PPL: variants seen among roughly 807,000 people sequenced by gnomAD.
The protein encoded by PPL is 190 kDa paraneoplastic pemphigus antigen.
A neutral mutation model predicts 194.4 loss-of-function variants in PPL; 198 were observed. The observed-to-expected ratio is 1.02, with a 90% CI of 0.91 to 1.15. The LOEUF (loss-of-function observed/expected upper bound fraction) is 1.15. Ranked by LOEUF, PPL falls within the 50% of genes most tolerant of loss-of-function variation. The pLI, the probability that PPL is intolerant of heterozygous loss-of-function variation, is 0.00. For synonymous variants in PPL, 1,220 were observed against 972.4 expected, an observed-to-expected ratio of 1.25 and a Z score of -4.74; for missense variants, 2,885 against 2,294.8, an observed-to-expected ratio of 1.26 and a Z score of -5.25.
chr16:4,920,373 A>AAAGAAAGAAAGAAAGAAAGAAAGAAAGT (rs2089026373), intron 1 of PPL, among the ~76,000 whole-genome samples: 1 of 150,088 alleles, frequency 6.7e-6, no homozygotes. Context: ...GAAAGAAAGG[A>AAAGAAAGAAAGAAAGAAAGAAAGAAAGT]CACCTCGGTC....
chr16:4,936,977 T>C lies in PPL; in HGVS notation c.62+7A>G, dbSNP rs1400080788. 1 of 1,587,448 alleles carries C rather than the reference T, an allele frequency of 6.3e-7. No homozygotes were observed. Among genetic ancestry groups the C allele is most frequent in the African/African-American group, 1.4e-5 (1 of 72,276 alleles). On this transcript the variant is annotated splice_region_variant and intron_variant, in intron 1 of 21. Transcript: ENST00000345988. ...GTCCCGGAGCGGAGCTGTGGGCGCC[T>C]CCTCACCTCCGGGTCTGCACAGTGG... is the stretch of plus-strand genomic sequence containing the variant.
chr16:4,907,079 T>TAAAAAAAAAAAAAA (rs57847738), intron 2 of PPL, among the ~76,000 whole-genome samples: 1 of 76,990 alleles, frequency 1.3e-5, no homozygotes, highest in Admixed American at 1.9e-4. Context: ...ACCCTATCTC[T>TAAAAAAAAAAAAAA]AAAAAAAAAA....
chr16:4,925,500 T>C (rs898806212), intron 1 of PPL, among the ~76,000 whole-genome samples: 1 of 152,254 alleles, frequency 6.6e-6, no homozygotes, highest in African/African-American at 2.4e-5. Flanking sequence ...ACTGGGGCTC[T>C]TAATCCTACC....
chr16:4,926,893 C>CAAAAAAAAA (rs906386976), intron 1 of PPL, among the ~76,000 whole-genome samples: 1 of 110,398 alleles, frequency 9.1e-6, no homozygotes, highest in Non-Finnish European at 1.7e-5. Context: ...AAAAAAAAAA[C>CAAAAAAAAA]AAAAAAAAAC....
rs1055131288 is a variant in PPL at position 4,928,879 on chromosome 16, T to A, written c.62+8105A>T. ...TACAAAATATAGCCAGGCGTGGTGG[T>A]GGGCGCCTGTAATCCCAGCTACTTG... On this transcript the variant is annotated intron_variant, in intron 1 of 21. Coordinates refer to ENST00000345988, the MANE Select transcript of PPL (RefSeq NM_002705.5). Among the ~76,000 whole-genome samples the A allele has an allele frequency of 2.0e-5, 3 of 151,392 alleles. No homozygotes were observed. In the East Asian group the frequency reaches 5.8e-4, roughly 29 times the overall value.
intron 16 of PPL, chr16:4,891,509 A>T (rs1186827322): frequency 6.4e-6 from 2 of 313,310 alleles, no homozygotes; most frequent in African/African-American, 4.5e-5. Flanking sequence ...CTTAAACTCC[A>T]AGGCTCAAGC....
chr16:4,885,591 G>C lies in PPL; in HGVS notation c.3064C>G (p.Arg1022Gly). The change falls in exon 22 of 22, where the codon CGG becomes GGG. Residue 1022 changes from arginine to glycine, a missense_variant. Arg to Gly is a moderately radical substitution (Grantham distance 125, BLOSUM62 -2). Coordinates refer to ENST00000345988, the MANE Select transcript of PPL (RefSeq NM_002705.5). The surrounding 1 kb of genome is among the most constrained non-coding windows in gnomAD (Gnocchi z 6.3). ...QLREELEALR[R>G]QKGAREAEVL... ...TCTGCCTCCCGGGCGCCCTTCTGCCGCCTCAGTGCCTCCAGCTCCTCCCGC... is the reference window on the plus strand; with the variant it reads ...TCTGCCTCCCGGGCGCCCTTCTGCCCCCTCAGTGCCTCCAGCTCCTCCCGC... The C allele has an allele frequency of 6.2e-7, 1 of 1,612,122 alleles. No homozygotes were observed. The highest frequency in any genetic ancestry group is 8.5e-7 in the Non-Finnish European group (1 of 1,179,942).
In PPL at chr16:4,886,038, C is replaced by T; in HGVS notation, c.2617G>A (p.Val873Ile). The T allele has an allele frequency of 6.2e-7, 1 of 1,613,990 alleles. No individual in the cohort carries two copies. Among genetic ancestry groups the T allele is most frequent in the Non-Finnish European group, 8.5e-7 (1 of 1,180,036 alleles). The change falls in exon 22 of 22, where the codon GTA (valine) becomes ATA (isoleucine). Residue 873 changes from valine to isoleucine, a missense_variant. By Grantham distance (29) the Val-to-Ile change is conservative. Transcript: ENST00000345988. The part of the protein sequence containing the change: ...ALNLLRQQPE[V>I]EVTHETLQRN... The stretch of plus-strand genomic sequence containing the variant: ...TGCAGGGTCTCATGGGTCACTTCTA[C>T]TTCCGGCTGCTGTGATGGAGAAGAC...
chr16:4,915,885 G>A (rs1453611388), intron 1 of PPL, among the ~76,000 whole-genome samples: 1 of 152,172 alleles, frequency 6.6e-6, no homozygotes, highest in African/African-American at 2.4e-5. Context: ...GCAATTAGAT[G>A]GCAGAGCCAG....
intron 1 of PPL, among the ~76,000 whole-genome samples, chr16:4,922,942 G>C (rs1231923229): frequency 1.3e-5 from 2 of 152,156 alleles, no homozygotes; most frequent in Non-Finnish European, 2.9e-5. Flanking sequence ...GAGGTGTCGG[G>C]AGGACAGGAG....
At chr16:4,890,393 C>T (rs2088297156) in intron 17 of PPL, 59 bp from the exon 18 acceptor site, 4 of 1,489,634 alleles carry the variant, frequency 2.7e-6, no homozygotes, top group African/African-American at 1.4e-5. Flanking sequence ...ACCGAGCCCT[C>T]ATTTTTTTTT....
chr16:4,890,236 G>T lies in PPL; in HGVS notation c.2261C>A (p.Pro754His), dbSNP rs767160248. 6.2e-7 allele frequency: 1 copy of T among 1,614,168 alleles called. No homozygotes were observed. The highest frequency in any genetic ancestry group is 8.5e-7 in the Non-Finnish European group (1 of 1,180,034). Residue 754 changes from proline to histidine, a missense_variant, in exon 18 of 22, where the codon CCC becomes CAC. Pro to His is a moderately conservative substitution (Grantham distance 77, BLOSUM62 -2). Coordinates refer to ENST00000345988, the MANE Select transcript of PPL (RefSeq NM_002705.5). ...QFLVSIPSYE[P>H]QETDSLSQME... ...CTGGCTGAGGCTGTCTGTCTCCTGG[G>T]GCTCGTAACTGGGGATGCTGACTAG... is the stretch of plus-strand genomic sequence containing the variant.
chr16:4,913,875 G>A (rs1222461538), intron 1 of PPL, among the ~76,000 whole-genome samples: 2 of 152,182 alleles, frequency 1.3e-5, no homozygotes, highest in East Asian at 3.9e-4. Flanking sequence ...CACCTGCTGT[G>A]TGCGGGCCCT....
At chr16:4,892,618 G>A (rs577391591) in intron 14 of PPL, 4 of 176,998 alleles carry the variant, frequency 2.3e-5, no homozygotes, top group East Asian at 1.6e-4. Flanking sequence ...ACCCGAGACC[G>A]GCATCCTCTC....
chr16:4,888,912 C>A, intron 19 of PPL, 66 bp downstream of exon 19: 1 of 1,514,286 alleles, frequency 6.6e-7, no homozygotes, highest in South Asian at 1.1e-5. Flanking sequence ...TGCTGCTTCT[C>A]TGACCAGGGC....
chr16:4,887,733 G>C (rs1182301342), intron 20 of PPL, among the ~76,000 whole-genome samples: 1 of 152,144 alleles, frequency 6.6e-6, no homozygotes, highest in African/African-American at 2.4e-5. Context: ...CTCCCAAGTA[G>C]CTGGGACTAC....
rs762368928 is a variant in PPL, at chr16:4,920,311, AAGG to A, written c.63-9365_63-9363del. 2.0e-3 allele frequency among the ~76,000 whole-genome samples: 218 copies of A among 110,010 alleles called. 1 individual carries two copies. The highest frequency in any genetic ancestry group is 6.4e-3 in the South Asian group (17 of 2,656). 72.2% of individuals were successfully genotyped at this position (110,010 alleles called of 152,430 possible). On this transcript the variant is annotated intron_variant, in intron 1 of 21. Transcript: ENST00000345988. ...AAAAGAAAGAAAGAAAGAAGGAAAG[AAGG>A]AAAGAAAAGAAAGAAAGAAAGAGAG...
chr16:4,883,600 G>A lies in PPL; in HGVS notation c.5055C>T (p.Phe1685=), dbSNP rs772773621. The part of the protein sequence containing the change: ...HRAGLIDWNM[F]VKLRSQECDW... ...CGCACTCCTGGCTTCTGAGTTTCAC[G>A]AACATGTTCCAGTCAATGAGCCCGG... The change falls in exon 22 of 22, where the codon TTC becomes TTT. Residue 1685 remains phenylalanine, a synonymous_variant. Coordinates refer to ENST00000345988, the MANE Select transcript of PPL (RefSeq NM_002705.5). This position sits in a 1 kb window ranked among gnomAD's most constrained non-coding sequence, Gnocchi z 4.8. 100 of 1,614,010 alleles carry A rather than the reference G, an allele frequency of 6.2e-5. No individual in the cohort carries two copies. The highest frequency in any genetic ancestry group is 1.1e-4 in the South Asian group (10 of 91,086).
intron 1 of PPL, among the ~76,000 whole-genome samples, chr16:4,932,562 C>T (rs2089238384): frequency 1.3e-5 from 2 of 151,870 alleles, no homozygotes; most frequent in African/African-American, 4.8e-5. Context: ...TACAGGTTTC[C>T]GCCACCACAC....
Sources: gnomAD v4.1 joint callset for allele counts (sites outside exome capture counted in the v4.1 genomes callset) on GRCh38, gnomAD v4.1.1 for gene constraint, Gnocchi (gnomAD v3.1) non-coding constraint, MANE v1.5 for transcripts, NCBI Gene and HGNC (gene_info 2026-07-23, HGNC 2026-07-21) for gene names.